The following RNF157 variants were observed in gnomAD, a reference collection of about 807,000 sequenced individuals.
The protein encoded by RNF157 is E3 ubiquitin ligase RNF157.
In RNF157, 55 loss-of-function variants were observed where a neutral mutation model predicts 88.3. The ratio of observed to expected loss-of-function variants is 0.62; its 90% CI spans 0.50 to 0.78. The LOEUF is 0.78. Among genes scored for constraint, RNF157 ranks in the 30% least tolerant of loss-of-function variants. The pLI is 0.00. For synonymous variants in RNF157, 334 were observed against 341.2 expected (o/e 0.98, Z 0.23); for missense variants, 788 against 860.8 (o/e 0.92, Z 1.06).
At chr17:76,148,978 C>A (rs1273858574) in intron 18 of RNF157, among the ~76,000 whole-genome samples, 1 of 152,208 alleles carries the variant, frequency 6.6e-6, no homozygotes, top group Non-Finnish European at 1.5e-5. Flanking sequence ...CTCCTCAGAG[C>A]CACATCTGCT....
At chr17:76,204,766 TTTTC>T (rs1303600890) in intron 2 of RNF157, among the ~76,000 whole-genome samples, 1,960 of 150,676 alleles carry the variant, frequency 0.013, 42 homozygotes, top group African/African-American at 0.041. Context: ...ATCTTATTTC[TTTTC>T]TTTCTTTCTT....
At chr17:76,190,761 G>C (rs971150934) in intron 2 of RNF157, among the ~76,000 whole-genome samples, 1 of 151,684 alleles carries the variant, frequency 6.6e-6, no homozygotes, top group Non-Finnish European at 1.5e-5. Flanking sequence ...CAAAAAATTA[G>C]CCGGGCATGG....
intron 18 of RNF157, chr17:76,147,062 A>C (rs1405479386): frequency 2.0e-6 from 2 of 985,268 alleles, no homozygotes; most frequent in Non-Finnish European, 1.2e-6. Flanking sequence ...TCTCATATCC[A>C]AACTGAATTT....
chr17:76,161,043 G>A lies in RNF157; in HGVS notation c.1065+492C>T, dbSNP rs2068837929. On this transcript the variant is annotated intron_variant, in intron 11 of 18. Coordinates refer to ENST00000269391, the MANE Select transcript of RNF157 (RefSeq NM_052916.3). This position sits in a 1 kb window ranked among gnomAD's most constrained non-coding sequence, Gnocchi z 4.6. ...CAGTGCGTTAGTCTAAAGAAAGACA[G>A]TATCTGCTGCTCTCTAACTGCAAAG... 6.6e-6 allele frequency among the ~76,000 whole-genome samples: 1 copy of A among 152,172 alleles called. No homozygotes were observed. Among genetic ancestry groups the A allele is most frequent in the African/African-American group, 2.4e-5 (1 of 41,430 alleles).
chr17:76,147,345 CAA>C (rs1030645668), intron 18 of RNF157: 16 of 986,566 alleles, frequency 1.6e-5, no homozygotes, highest in Middle Eastern at 4.5e-4. Context: ...AAATGGTAAA[CAA>C]GAGAGAAGAC....
At chr17:76,222,558 G>A (rs1237068476) in intron 1 of RNF157, among the ~76,000 whole-genome samples, 8 of 152,072 alleles carry the variant, frequency 5.3e-5, no homozygotes, top group South Asian at 4.1e-4. Context: ...AGCATGTATC[G>A]TAAGCAAGAT....
At chr17:76,175,801 C>T (rs2069093462) in intron 2 of RNF157, 7 of 984,994 alleles carry the variant, frequency 7.1e-6, no homozygotes, top group Non-Finnish European at 8.4e-6. Context: ...TCTTTCTCCT[C>T]CATAGCCACT....
At chr17:76,199,425 T>C (rs2069533765) in intron 2 of RNF157, among the ~76,000 whole-genome samples, 1 of 151,972 alleles carries the variant, frequency 6.6e-6, no homozygotes, top group Non-Finnish European at 1.5e-5. Context: ...CACAGCTAAT[T>C]TCCTTTATTT....
intron 17 of RNF157, 49 bp downstream of exon 17, chr17:76,154,234 C>T (rs758824574): frequency 7.2e-7 from 1 of 1,393,408 alleles, no homozygotes; most frequent in East Asian, 2.3e-5. Flanking sequence ...AAAGAATACC[C>T]AGGAAAGAAA....
intron 1 of RNF157, among the ~76,000 whole-genome samples, chr17:76,217,531 T>A (rs911559246): frequency 6.6e-6 from 1 of 152,016 alleles, no homozygotes; most frequent in Non-Finnish European, 1.5e-5. Context: ...AGCTACTAGA[T>A]CATCAGATAC....
intron 18 of RNF157, among the ~76,000 whole-genome samples, chr17:76,150,803 G>C (rs1462874473): frequency 6.6e-6 from 1 of 152,218 alleles, no homozygotes; most frequent in Non-Finnish European, 1.5e-5. Flanking sequence ...TTAGGAATGG[G>C]AGCCTTGCTC....
intron 3 of RNF157, among the ~76,000 whole-genome samples, chr17:76,169,428 T>C (rs111757190): frequency 0.018 from 2,765 of 152,182 alleles, 83 homozygotes; most frequent in African/African-American, 0.062. Flanking sequence ...CCAATTAGAT[T>C]TTTTTTACTT....
intron 2 of RNF157, chr17:76,202,864 T>C (rs1391605236): frequency 6.6e-6 from 1 of 152,302 alleles, no homozygotes; most frequent in Non-Finnish European, 1.5e-5. Flanking sequence ...CCTATTCAGT[T>C]ATTTCATGTA....
chr17:76,184,328 A>G (rs2069246650), intron 2 of RNF157, among the ~76,000 whole-genome samples: 1 of 152,170 alleles, frequency 6.6e-6, no homozygotes, highest in East Asian at 1.9e-4. Context: ...GGTACTACAT[A>G]ATCTCTTTTT....
chr17:76,191,619 A>C (rs1010934128), intron 2 of RNF157, among the ~76,000 whole-genome samples: 3 of 151,720 alleles, frequency 2.0e-5, no homozygotes, highest in Admixed American at 1.3e-4. Context: ...AAAAAAAAAA[A>C]AAACATTAGC....
In RNF157 at chr17:76,167,092, T is replaced by C. The variant is rs1191373635; in HGVS notation, c.478A>G (p.Thr160Ala). ...IPKDNSLQSE[T>A]VQYKRGVCQQ... ...CACACTCCTCGCTTGTACTGCACAG[T>C]CTCCGACTGGAGGCTGTTGTCTTTG... is the stretch of plus-strand genomic sequence containing the variant. The change falls in exon 5 of 19, where the codon ACT becomes GCT. Residue 160 changes from threonine (T) to alanine (A), a missense_variant. Physicochemically the swap from Thr to Ala is moderately conservative, Grantham distance 58 (BLOSUM62 0). Transcript: ENST00000269391. The C allele has an allele frequency of 6.2e-7, 1 of 1,612,804 alleles. No individual in the cohort carries two copies. The highest frequency in any genetic ancestry group is 1.7e-5 in the Admixed American group (1 of 59,698).
chr17:76,194,782 A>G lies in RNF157; in HGVS notation c.207+17582T>C, dbSNP rs62090130. 1.1e-3 allele frequency among the ~76,000 whole-genome samples: 170 copies of G among 152,214 alleles called. 1 individual carries two copies. Among genetic ancestry groups the G allele is most frequent in the Non-Finnish European group, 1.5e-3 (104 of 67,996 alleles). On this transcript the variant is annotated intron_variant, in intron 2 of 18. Coordinates refer to ENST00000269391, the MANE Select transcript of RNF157 (RefSeq NM_052916.3). ...TGTAATCCCAGCACTTTGGGAGGCCAAGGTGGGCAGATCACGAGGTCAGGA... is the reference window on the plus strand; with the variant it reads ...TGTAATCCCAGCACTTTGGGAGGCCGAGGTGGGCAGATCACGAGGTCAGGA...
intron 1 of RNF157, among the ~76,000 whole-genome samples, chr17:76,217,376 T>C (rs575243271): frequency 2.6e-5 from 4 of 152,326 alleles, no homozygotes; most frequent in African/African-American, 9.6e-5. Context: ...AAAAATTTGC[T>C]TTTTCCTTTC....
chr17:76,206,458 C>A (rs1219117024), intron 2 of RNF157, among the ~76,000 whole-genome samples: 1 of 152,050 alleles, frequency 6.6e-6, no homozygotes. Context: ...TATAAGGGAC[C>A]AGAGCAGAAA....
Sources: allele counts gnomAD v4.1 joint callset (sites outside exome capture counted in the v4.1 genomes callset), GRCh38; gene constraint gnomAD v4.1.1; non-coding constraint Gnocchi (gnomAD v3.1); transcripts MANE v1.5; gene names NCBI Gene and HGNC (gene_info 2026-07-23, HGNC 2026-07-21).